ABCA10: variants seen among roughly 807,000 people sequenced by gnomAD.
The protein encoded by ABCA10 is ATP-binding cassette sub-family A member 10.
ABCA10 carries 169 observed loss-of-function variants against 187.5 expected under a neutral mutation model. The ratio of observed to expected loss-of-function variants is 0.90; its 90% CI spans 0.80 to 1.02. The LOEUF (loss-of-function observed/expected upper bound fraction) is 1.02. Ranked by LOEUF, ABCA10 falls within the 50% of genes least tolerant of loss-of-function variation. The pLI, the probability that ABCA10 is intolerant of heterozygous loss-of-function variation, is 0.00. For synonymous variants in ABCA10, 574 were observed against 601.8 expected (o/e 0.95, Z 0.68); for missense variants, 1,727 against 1,812.4 (o/e 0.95, Z 0.86).
chr17:69,194,791 G>T (rs539191658), intron 11 of ABCA10, among the ~76,000 whole-genome samples: 8 of 152,188 alleles, frequency 5.3e-5, no homozygotes, highest in Admixed American at 2.0e-4. Context: ...AAGACTACTA[G>T]AAATAAAAAC....
At position 69,152,126 on chromosome 17, in the gene ABCA10, T is replaced by G; in HGVS notation, c.4314A>C (p.Glu1438Asp). The G allele has an allele frequency of 3.7e-6, 6 of 1,613,934 alleles. 1 individual carries two copies. The Middle Eastern group carries it at 8.3e-4, about 222-fold the overall frequency. Residue 1438 changes from glutamate to aspartate, a missense_variant, in exon 36 of 39, where the codon GAA (glutamate) becomes GAC (aspartate). Glu to Asp is a conservative substitution (Grantham distance 45, BLOSUM62 2). Transcript: ENST00000690296. ...CCTGGGTAGGTTCTTTCATTTTTATTTCTAGTAAATAATCTCTACCAAACT... is the reference window on the plus strand; with the variant it reads ...CCTGGGTAGGTTCTTTCATTTTTATGTCTAGTAAATAATCTCTACCAAACT... ...KNKFGRDYLL[E>D]IKMKEPTQVE...
At chr17:69,222,381 G>T in intron 4 of ABCA10, 152 bp downstream of exon 4, 2 of 607,940 alleles carry the variant, frequency 3.3e-6, no homozygotes, top group Non-Finnish European at 2.5e-6. Context: ...AAAATAATGA[G>T]ACTCATCCTA....
chr17:69,217,840 A>G (rs2144842334), intron 6 of ABCA10, among the ~76,000 whole-genome samples: 1 of 152,328 alleles, frequency 6.6e-6, no homozygotes, highest in African/African-American at 2.4e-5. Flanking sequence ...TAAGAAAATT[A>G]TATCATTTTA....
At chr17:69,243,088 C>T (rs2074915736) in intron 1 of ABCA10, among the ~76,000 whole-genome samples, 1 of 152,182 alleles carries the variant, frequency 6.6e-6, no homozygotes, top group African/African-American at 2.4e-5. Context: ...ACCTAATTAG[C>T]ATCCATCTCT....
At chr17:69,154,909 A>G (rs2074161699) in intron 30 of ABCA10, 110 bp downstream of exon 30, 3 of 683,280 alleles carry the variant, frequency 4.4e-6, no homozygotes, top group Non-Finnish European at 7.2e-6. Flanking sequence ...ATTACACATT[A>G]ACCAGGATAT....
In ABCA10 at chr17:69,219,781, G is replaced by C; in HGVS notation, c.304-10C>G. Reference sequence around the variant, plus strand: ...AATGATTTGTTGTGACCTAAATTGGGACATTAGCAAATTTATTATGTGAAC... The same window carrying C: ...AATGATTTGTTGTGACCTAAATTGGCACATTAGCAAATTTATTATGTGAAC... On this transcript the variant is annotated splice_polypyrimidine_tract_variant and intron_variant, in intron 5 of 38. Transcript: ENST00000690296. 6.6e-7 allele frequency: 1 copy of C among 1,511,966 alleles called. No individual in the cohort carries two copies. Among genetic ancestry groups the C allele is most frequent in the Non-Finnish European group, 8.9e-7 (1 of 1,123,346 alleles). The allele number at this position is 1,511,966 out of a possible 1,614,324, so 93.7% of individuals were successfully genotyped here.
chr17:69,199,474 A>G (rs552202007), intron 10 of ABCA10, among the ~76,000 whole-genome samples: 1 of 152,350 alleles, frequency 6.6e-6, no homozygotes, highest in South Asian at 2.1e-4. Context: ...CACTTCCTAT[A>G]GGATGTTCCC....
At chr17:69,175,571 T>C in intron 22 of ABCA10, 58 bp from the exon 23 acceptor site, 1 of 1,310,780 alleles carries the variant, frequency 7.6e-7, no homozygotes. Context: ...ATACAAACAT[T>C]ATAAGATACG....
At chr17:69,215,067 AAG>A (rs1286076322) in intron 8 of ABCA10, among the ~76,000 whole-genome samples, 1 of 152,202 alleles carries the variant, frequency 6.6e-6, no homozygotes, top group Non-Finnish European at 1.5e-5. Context: ...TAAAACAAAA[AAG>A]AGAAATTAAC....
rs755935185 is a variant in ABCA10, at chr17:69,164,965, T to A, written c.3281A>T (p.Gln1094Leu). The A allele has an allele frequency of 1.2e-5, 19 of 1,612,796 alleles. No individual in the cohort carries two copies. The highest frequency in any genetic ancestry group is 3.3e-4 in the Middle Eastern group (2 of 6,078). ...GACACAGTAGGTAACACTGCTTACCTGGATCAATAACATGACATACCCCAG... is the reference window on the plus strand; with the variant it reads ...GACACAGTAGGTAACACTGCTTACCAGGATCAATAACATGACATACCCCAG... ...TLLGYVMLLI[Q>L]LDFMRNLDSL... The change falls in exon 26 of 39, where the codon CAG becomes CTG. Residue 1094 changes from glutamine to leucine, a missense_variant and splice_region_variant. By Grantham distance (113) the Gln-to-Leu change is moderately radical. Coordinates refer to ENST00000690296, the MANE Select transcript of ABCA10 (RefSeq NM_001377321.1).
At chr17:69,181,132 T>C (rs1242735555) in intron 22 of ABCA10, among the ~76,000 whole-genome samples, 1 of 152,160 alleles carries the variant, frequency 6.6e-6, no homozygotes, top group African/African-American at 2.4e-5. Flanking sequence ...GAGATATACA[T>C]ATACATATGT....
At chr17:69,164,827 T>G in intron 26 of ABCA10, 137 bp downstream of exon 26, 3 of 1,186,538 alleles carry the variant, frequency 2.5e-6, no homozygotes, top group Non-Finnish European at 3.5e-6. Context: ...TATACAGCTT[T>G]AAAATCTTAT....
chr17:69,164,638 A>T (rs183780531), intron 26 of ABCA10, among the ~76,000 whole-genome samples: 11 of 152,272 alleles, frequency 7.2e-5, no homozygotes. Context: ...ATCCCCTGGC[A>T]AGATGGATTC....
chr17:69,210,847 CAT>C lies in ABCA10; in HGVS notation c.1006+3855_1006+3856del, dbSNP rs57227408. Among the ~76,000 whole-genome samples the C allele has an allele frequency of 5.2e-3, 196 of 37,792 alleles. 8 individuals are homozygous for C. The highest frequency in any genetic ancestry group is 7.8e-3 in the African/African-American group (136 of 17,380). The allele number at this position is 37,792 out of a possible 152,430, so 24.8% of individuals were successfully genotyped here. A position where few individuals can be genotyped will look rare whatever the true frequency, so the allele number is the denominator to read the frequency against. ...ATATATATGCCACATATTTATGCCACATATATATATATATATATGCCATATTT... is the reference window on the plus strand; with the variant it reads ...ATATATATGCCACATATTTATGCCACATATATATATATATATGCCATATTT... On this transcript the variant is annotated intron_variant, in intron 9 of 38. Coordinates refer to ENST00000690296, the MANE Select transcript of ABCA10 (RefSeq NM_001377321.1).
chr17:69,229,072 T>A (rs1304081410), upstream of ABCA10, among the ~76,000 whole-genome samples: 2 of 152,000 alleles, frequency 1.3e-5, no homozygotes, highest in Non-Finnish European at 2.9e-5. Context: ...ATCATTCCAA[T>A]GAGAAAGTTT....
chr17:69,198,354 A>C lies in ABCA10; in HGVS notation c.1176-1232T>G, dbSNP rs557234338. The stretch of plus-strand genomic sequence containing the variant: ...ACATATCAGAGACTACATTTCACGG[A>C]ACCCTCTTTTCAGTATCAGATTTTG... On this transcript the variant is annotated intron_variant, in intron 10 of 38. Coordinates refer to ENST00000690296, the MANE Select transcript of ABCA10 (RefSeq NM_001377321.1). 1.3e-4 allele frequency among the ~76,000 whole-genome samples: 20 copies of C among 152,220 alleles called. No individual in the cohort carries two copies. The South Asian group carries it at 4.2e-3, about 32-fold the overall frequency.
chr17:69,240,791 CT>C (rs1568081137), intron 1 of ABCA10, among the ~76,000 whole-genome samples: 2 of 152,212 alleles, frequency 1.3e-5, no homozygotes, highest in Non-Finnish European at 2.9e-5. Context: ...TTACAATTTC[CT>C]TCTTTTCAGT....
chr17:69,203,183 G>C (rs961731785), intron 9 of ABCA10, among the ~76,000 whole-genome samples: 1 of 152,092 alleles, frequency 6.6e-6, no homozygotes, highest in Non-Finnish European at 1.5e-5. Flanking sequence ...GATATTATGT[G>C]GGAGAGAAGA....
chr17:69,178,575 G>A (rs2074354344), intron 22 of ABCA10, among the ~76,000 whole-genome samples: 1 of 152,100 alleles, frequency 6.6e-6, no homozygotes. Context: ...GACTTCTGCT[G>A]GCATATAAAT....
Sources: gnomAD v4.1 joint callset for allele counts (sites outside exome capture counted in the v4.1 genomes callset) on GRCh38, gnomAD v4.1.1 for gene constraint, MANE v1.5 for transcripts, NCBI Gene and HGNC (gene_info 2026-07-23, HGNC 2026-07-21) for gene names.